The following ATOSA variants were observed in gnomAD, a reference collection of about 807,000 sequenced individuals.
ATOSA encodes atos homolog protein A.
chr15:52,655,671 A>G, the ATOSA span, among the ~76,000 whole-genome samples: 1 of 152,174 alleles, frequency 6.6e-6, no homozygotes, highest in Non-Finnish European at 1.5e-5. Context: ...TGCTACACAT[A>G]TAGGATATTT....
At chr15:52,645,236 C>T in the ATOSA span, among the ~76,000 whole-genome samples, 12 of 152,254 alleles carry the variant, frequency 7.9e-5, no homozygotes, top group African/African-American at 2.6e-4. Flanking sequence ...GTCAAGAGTT[C>T]GAGGCCAGCC....
At chr15:52,648,752 T>C in the ATOSA span, 5 of 152,262 alleles carry the variant, frequency 3.3e-5, no homozygotes, top group East Asian at 7.7e-4. Flanking sequence ...AGGAAGCTTA[T>C]AGCAAAATCT....
the ATOSA span, among the ~76,000 whole-genome samples, chr15:52,638,691 A>G: frequency 1.2e-5 from 1 of 83,158 alleles, no homozygotes; most frequent in Non-Finnish European, 2.6e-5. Flanking sequence ...ACATAGTGAG[A>G]CTCTGCCAAA....
the ATOSA span, among the ~76,000 whole-genome samples, chr15:52,682,903 T>C: frequency 6.6e-6 from 1 of 152,250 alleles, no homozygotes; most frequent in African/African-American, 2.4e-5. Context: ...AGGCATTGGC[T>C]TCTGTAAACA....
the ATOSA span, among the ~76,000 whole-genome samples, chr15:52,617,106 A>G: frequency 6.6e-6 from 1 of 152,230 alleles, no homozygotes; most frequent in Non-Finnish European, 1.5e-5. Flanking sequence ...CATATGTTGA[A>G]GCCTTAACTG....
chr15:52,673,462 T>C, the ATOSA span, among the ~76,000 whole-genome samples: 1 of 152,258 alleles, frequency 6.6e-6, no homozygotes, highest in East Asian at 1.9e-4. Flanking sequence ...CAAACTTCTC[T>C]ATGACTCAGT....
chr15:52,703,807 G>A, the ATOSA span, among the ~76,000 whole-genome samples: 3 of 152,034 alleles, frequency 2.0e-5, no homozygotes, highest in East Asian at 5.8e-4. Context: ...AAACCTTCAC[G>A]TTGTGTACAT....
the ATOSA span, among the ~76,000 whole-genome samples, chr15:52,695,138 T>C: frequency 6.6e-6 from 1 of 152,098 alleles, no homozygotes; most frequent in African/African-American, 2.4e-5. Context: ...TTGGCCAGGC[T>C]GGTCTTGAAC....
the ATOSA span, among the ~76,000 whole-genome samples, chr15:52,646,352 T>G: frequency 6.6e-6 from 1 of 152,208 alleles, no homozygotes; most frequent in Non-Finnish European, 1.5e-5. Context: ...TCATTTCTTG[T>G]GCAGAATGAT....
the ATOSA span, among the ~76,000 whole-genome samples, chr15:52,597,441 G>A: frequency 2.2e-4 from 34 of 152,106 alleles, no homozygotes; most frequent in Non-Finnish European, 3.7e-4. Context: ...TAATAAAAAC[G>A]AATGAACTCT....
the ATOSA span, chr15:52,609,872 T>C: frequency 6.2e-7 from 1 of 1,613,686 alleles, no homozygotes; most frequent in Non-Finnish European, 8.5e-7. Flanking sequence ...CTCTGGCGGT[T>C]AGAGATACTG....
At chr15:52,600,391 C>T in the ATOSA span, among the ~76,000 whole-genome samples, 1 of 152,100 alleles carries the variant, frequency 6.6e-6, no homozygotes, top group African/African-American at 2.4e-5. Flanking sequence ...ATCCTCCTGC[C>T]TCAGCCTCCC....
At chr15:52,668,372 G>C in the ATOSA span, among the ~76,000 whole-genome samples, 1 of 152,178 alleles carries the variant, frequency 6.6e-6, no homozygotes, top group Non-Finnish European at 1.5e-5. Context: ...CATAGAAGTA[G>C]CGAGTAGAAC....
At chr15:52,616,447 C>T in the ATOSA span, among the ~76,000 whole-genome samples, 3 of 152,176 alleles carry the variant, frequency 2.0e-5, no homozygotes, top group African/African-American at 7.2e-5. Flanking sequence ...AGTTGTGTGA[C>T]CCCTGGTTGG....
At chr15:52,694,575 T>C in the ATOSA span, among the ~76,000 whole-genome samples, 2 of 152,096 alleles carry the variant, frequency 1.3e-5, no homozygotes, top group Non-Finnish European at 2.9e-5. Flanking sequence ...GGCTCACAAC[T>C]ATAATCCCGC....
the ATOSA span, among the ~76,000 whole-genome samples, chr15:52,591,000 G>A: frequency 6.6e-6 from 1 of 152,144 alleles, no homozygotes; most frequent in Non-Finnish European, 1.5e-5. Flanking sequence ...GTACTTTCTG[G>A]AGTGACAAAA....
chr15:52,614,594 TC>T, the ATOSA span, among the ~76,000 whole-genome samples: 1 of 151,174 alleles, frequency 6.6e-6, no homozygotes, highest in African/African-American at 2.4e-5. Context: ...ATGCCTGTAA[TC>T]CCAGCACTTT....
At chr15:52,627,917 C>A in the ATOSA span, among the ~76,000 whole-genome samples, 1 of 152,106 alleles carries the variant, frequency 6.6e-6, no homozygotes, top group Non-Finnish European at 1.5e-5. Context: ...CCCTCTCAAT[C>A]TAATGTAATT....
At chr15:52,589,033 C>T in the ATOSA span, among the ~76,000 whole-genome samples, 14 of 152,184 alleles carry the variant, frequency 9.2e-5, no homozygotes, top group Non-Finnish European at 1.3e-4. Flanking sequence ...TGAATTTACT[C>T]CAAGTGAACA....
Sources: gnomAD v4.1 joint callset for allele counts (sites outside exome capture counted in the v4.1 genomes callset) on GRCh38, gnomAD v4.1.1 for gene constraint, MANE v1.5 for transcripts, NCBI Gene and HGNC (gene_info 2026-07-23, HGNC 2026-07-21) for gene names.